Variants in ALG10B observed in about 807,000 individuals in gnomAD.
ALG10B encodes dol-P-Glc:Glc(2)Man(9)GlcNAc(2)-PP-Dol alpha-1,2-glucosyltransferase B.
ALG10B carries 27 observed loss-of-function variants against 38.7 expected under a neutral mutation model. That is an observed-to-expected ratio of 0.70 (90% CI 0.51 to 0.96). ALG10B has a LOEUF of 0.96. ALG10B is among the 40% of genes least tolerant of loss of function. ALG10B has a pLI of 0.00. For synonymous variants in ALG10B, 177 were observed against 193.3 expected, an observed-to-expected ratio of 0.92 and a Z score of 0.70; for missense variants, 522 against 542.7, an observed-to-expected ratio of 0.96 and a Z score of 0.38.
chr12:38,320,811 C>T lies in ALG10B; in HGVS notation c.1020C>T (p.Phe340=). The T allele has an allele frequency of 3.1e-6, 5 of 1,613,764 alleles. No homozygotes were observed. The highest frequency in any genetic ancestry group is 4.2e-6 in the Non-Finnish European group (5 of 1,179,890). The change falls in exon 3 of 3, where the codon TTC becomes TTT. Residue 340 remains phenylalanine, a synonymous_variant. Coordinates refer to ENST00000308742, the MANE Select transcript of ALG10B (RefSeq NM_001013620.4). ...TLVSVFLVWK[F]TYAHKYLLAD... ...TCTCTGTGTTTTTAGTTTGGAAATTCACTTATGCTCATAAATACTTGCTAG... is the reference window on the plus strand; with the variant it reads ...TCTCTGTGTTTTTAGTTTGGAAATTTACTTATGCTCATAAATACTTGCTAG...
rs1945688460 is a variant in ALG10B at position 38,320,178 on chromosome 12, G to C, written c.387G>C (p.Gln129His). 6.2e-7 allele frequency: 1 copy of C among 1,613,836 alleles called. No individual in the cohort carries two copies. Among genetic ancestry groups the C allele is most frequent in the African/African-American group, 1.3e-5 (1 of 74,918 alleles). Reference sequence around the variant, plus strand: ...CCTCCAAGGCTGCCTCAAGTATCCAGAGAGTCTTGTCAACATTAACACTAG... The same window carrying C: ...CCTCCAAGGCTGCCTCAAGTATCCACAGAGTCTTGTCAACATTAACACTAG... ...QPRNKAASSIQRVLSTLTLAV... is the reference protein window; with the variant it reads ...QPRNKAASSIHRVLSTLTLAV... Residue 129 changes from glutamine to histidine, a missense_variant, in exon 3 of 3, where the codon CAG becomes CAC. Transcript: ENST00000308742.
rs993648631 is a variant in ALG10B, at chr12:38,327,568, A to G, written c.*6355A>G. The G allele has an allele frequency of 6.6e-6, 1 of 152,198 alleles. No homozygotes were observed. The highest frequency in any genetic ancestry group is 1.5e-5 in the Non-Finnish European group (1 of 68,038). The allele number at this position is 152,198 out of a possible 1,614,324, so 9.4% of individuals were successfully genotyped here. On this transcript the variant is annotated 3_prime_UTR_variant, in exon 3 of 3. Transcript: ENST00000308742. ...TTTGCCCAAAGTCCACACTGTCACT[A>G]AATGAACATAGATTGGTATGACTCC...
Position 38,323,864 on chromosome 12 carries a change from G to A in ALG10B, c.*2651G>A, listed in dbSNP as rs1945721651. On this transcript the variant is annotated 3_prime_UTR_variant, in exon 3 of 3. Coordinates refer to ENST00000308742, the MANE Select transcript of ALG10B (RefSeq NM_001013620.4). The stretch of plus-strand genomic sequence containing the variant: ...TTGAAAAAAGAATGTGTAATTTAGG[G>A]AAAGTAACTTTTTGTCTGATAATAT... 1.4e-6 allele frequency: 1 copy of A among 700,684 alleles called. No homozygotes were observed. Among genetic ancestry groups the A allele is most frequent in the Non-Finnish European group, 2.6e-6 (1 of 384,400 alleles). 43.4% of individuals were successfully genotyped at this position (700,684 alleles called of 1,614,324 possible).
rs965807201 is a variant in ALG10B, at chr12:38,321,140, T to C, written c.1349T>C (p.Ile450Thr). Residue 450 changes from isoleucine to threonine, a missense_variant, in exon 3 of 3, where the codon ATA (isoleucine) becomes ACA (threonine). Physicochemically the swap from Ile to Thr is moderately conservative, Grantham distance 89 (BLOSUM62 -1). Transcript: ENST00000308742. Reference protein sequence around the residue: ...ELSCYAIVNFITFYIFLNKTF... With the variant: ...ELSCYAIVNFTTFYIFLNKTF... ...AGTTGCTATGCAATTGTTAATTTCATAACTTTTTACATCTTTCTGAACAAG... is the reference window on the plus strand; with the variant it reads ...AGTTGCTATGCAATTGTTAATTTCACAACTTTTTACATCTTTCTGAACAAG... The C allele has an allele frequency of 2.5e-6, 4 of 1,613,310 alleles. No individual in the cohort carries two copies. The highest frequency in any genetic ancestry group is 2.7e-5 in the African/African-American group (2 of 75,032).
rs1945731491 is a variant in ALG10B, at chr12:38,324,922, C to T, written c.*3709C>T. On this transcript the variant is annotated 3_prime_UTR_variant, in exon 3 of 3. Transcript: ENST00000308742. ...GAGGGCATCTGGAGCCCTACAGTTACCATTACTAAAGTCTGTGAGTATGTC... is the reference window on the plus strand; with the variant it reads ...GAGGGCATCTGGAGCCCTACAGTTATCATTACTAAAGTCTGTGAGTATGTC... The T allele has an allele frequency of 6.6e-6, 1 of 152,076 alleles. No individual in the cohort carries two copies. Among genetic ancestry groups the T allele is most frequent in the Non-Finnish European group, 1.5e-5 (1 of 67,980 alleles). 9.4% of individuals were successfully genotyped at this position (152,076 alleles called of 1,614,324 possible).
rs1367644822 is a variant in ALG10B, at chr12:38,324,062, C to T, written c.*2849C>T. On this transcript the variant is annotated 3_prime_UTR_variant, in exon 3 of 3. Transcript: ENST00000308742. ...TGTTTTTGTCTTTGAGGAGAAGTCT[C>T]GCTCTTGTCCCCCAGGCTGGAATGC... 10 of 645,310 alleles carry T rather than the reference C, an allele frequency of 1.5e-5. No homozygotes were observed. The highest frequency in any genetic ancestry group is 2.5e-4 in the Middle Eastern group (1 of 4,072). 40.0% of individuals were successfully genotyped at this position (645,310 alleles called of 1,614,324 possible).
chr12:38,322,187 G>C lies in ALG10B; in HGVS notation c.*974G>C, dbSNP rs905632566. The C allele has an allele frequency of 2.6e-5, 4 of 152,206 alleles. No homozygotes were observed. Among genetic ancestry groups the C allele is most frequent in the African/African-American group, 7.2e-5 (3 of 41,442 alleles). The allele number at this position is 152,206 out of a possible 1,614,324, so 9.4% of individuals were successfully genotyped here. A position where few individuals can be genotyped will look rare whatever the true frequency, so the allele number is the denominator to read the frequency against. On this transcript the variant is annotated 3_prime_UTR_variant, in exon 3 of 3. Coordinates refer to ENST00000308742, the MANE Select transcript of ALG10B (RefSeq NM_001013620.4). The stretch of plus-strand genomic sequence containing the variant: ...ATATCTTGTCTAAGTATTGCAGACA[G>C]CAATCTTCACTCCAGTCTCTGCCTC...
chr12:38,320,252 C>G lies in ALG10B; in HGVS notation c.461C>G (p.Ala154Gly). ...YFFNFLYYTE[A>G]GSMFFTLFAY... ...TTTAACTTCCTTTATTATACAGAAG[C>G]AGGATCTATGTTTTTTACTCTTTTT... Residue 154 changes from alanine to glycine, a missense_variant, in exon 3 of 3, where the codon GCA (alanine) becomes GGA (glycine). Coordinates refer to ENST00000308742, the MANE Select transcript of ALG10B (RefSeq NM_001013620.4). 6.2e-7 allele frequency: 1 copy of G among 1,613,948 alleles called. No individual in the cohort carries two copies. Among genetic ancestry groups the G allele is most frequent in the Non-Finnish European group, 8.5e-7 (1 of 1,179,908 alleles).
chr12:38,320,205 A>G lies in ALG10B; in HGVS notation c.414A>G (p.Ala138=). The change falls in exon 3 of 3, where the codon GCA becomes GCG. Residue 138 remains alanine, a synonymous_variant. Transcript: ENST00000308742. The part of the protein sequence containing the change: ...IQRVLSTLTL[A]VFPTLYFFNF... ...GAGTCTTGTCAACATTAACACTAGC[A>G]GTATTTCCAACACTTTATTTTTTTA... 1 of 1,614,064 alleles carries G rather than the reference A, an allele frequency of 6.2e-7. No individual in the cohort carries two copies. The highest frequency in any genetic ancestry group is 8.5e-7 in the Non-Finnish European group (1 of 1,179,932).
At chr12:38,318,759 GAGGC>G (rs1394865712) in intron 2 of ALG10B, among the ~76,000 whole-genome samples, 1 of 152,194 alleles carries the variant, frequency 6.6e-6, no homozygotes, top group African/African-American at 2.4e-5. Context: ...AGAGATAAAT[GAGGC>G]AGTCTTTTTC....
intron 1 of ALG10B, 132 bp from the exon 2 acceptor site, chr12:38,318,129 A>G: frequency 8.4e-7 from 1 of 1,196,122 alleles, no homozygotes; most frequent in Non-Finnish European, 1.2e-6. Flanking sequence ...CCAAGGACTT[A>G]CTTAATCTTG....
Position 38,321,037 on chromosome 12 carries a change from C to T in ALG10B, c.1246C>T (p.Arg416Cys), listed in dbSNP as rs375350214. 90 of 1,613,236 alleles carry T rather than the reference C, an allele frequency of 5.6e-5. No individual in the cohort carries two copies. The highest frequency in any genetic ancestry group is 4.9e-4 in the Middle Eastern group (3 of 6,080). Residue 416 changes from arginine (R) to cysteine (C), a missense_variant, in exon 3 of 3, where the codon CGT (arginine) becomes TGT (cysteine). By Grantham distance (180) the Arg-to-Cys change is radical. Transcript: ENST00000308742. ...VIVPQKLLEF[R>C]YFILPYVIYR... ...AGTTCCTCAGAAACTGCTGGAATTT[C>T]GTTACTTCATTTTACCTTATGTCAT...
At chr12:38,319,202 A>T (rs1945681098) in intron 2 of ALG10B, among the ~76,000 whole-genome samples, 1 of 152,170 alleles carries the variant, frequency 6.6e-6, no homozygotes, top group Non-Finnish European at 1.5e-5. Context: ...GGAGAGGAGT[A>T]TGTGGCATTC....
intron 2 of ALG10B, 105 bp from the exon 3 acceptor site, chr12:38,320,056 T>C (rs972234737): frequency 2.9e-6 from 4 of 1,363,148 alleles, no homozygotes; most frequent in African/African-American, 1.5e-5. Context: ...TTTATTTAAA[T>C]AAGGTTTGAG....
intron 2 of ALG10B, 150 bp downstream of exon 2, chr12:38,318,608 C>T: frequency 2.2e-6 from 2 of 917,936 alleles, no homozygotes; most frequent in South Asian, 3.2e-5. Context: ...TTAAATTCTC[C>T]ATCTCCATTT....
intron 2 of ALG10B, among the ~76,000 whole-genome samples, chr12:38,319,121 A>G (rs1945680597): frequency 6.6e-6 from 1 of 152,216 alleles, no homozygotes; most frequent in Non-Finnish European, 1.5e-5. Flanking sequence ...CAATTATGAT[A>G]GAGTAGTAGA....
intron 2 of ALG10B, 151 bp downstream of exon 2, chr12:38,318,609 A>T: frequency 1.1e-6 from 1 of 915,098 alleles, no homozygotes; most frequent in Non-Finnish European, 1.6e-6. Flanking sequence ...TAAATTCTCC[A>T]TCTCCATTTT....
At position 38,316,985 on chromosome 12, in the gene ALG10B, T is replaced by C. The variant is rs1257343378; in HGVS notation, c.92T>C (p.Leu31Pro). 1.9e-6 allele frequency: 3 copies of C among 1,614,158 alleles called. No homozygotes were observed. The highest frequency in any genetic ancestry group is 1.7e-6 in the Non-Finnish European group (2 of 1,180,024). Reference sequence around the variant, plus strand: ...CTCTTCTCCGCCTTCAGCCGGGCGCTGCGAGAGCCCTACATGGACGAGATC... The same window carrying C: ...CTCTTCTCCGCCTTCAGCCGGGCGCCGCGAGAGCCCTACATGGACGAGATC... Reference protein sequence around the residue: ...CLLFSAFSRALREPYMDEIFH... With the variant: ...CLLFSAFSRAPREPYMDEIFH... The change falls in exon 1 of 3, where the codon CTG (leucine) becomes CCG (proline). Residue 31 changes from leucine to proline, a missense_variant. By Grantham distance (98) the Leu-to-Pro change is moderately conservative. Transcript: ENST00000308742.
In ALG10B at chr12:38,316,855, C is replaced by G. The variant is rs1945659295; in HGVS notation, c.-39C>G. 6.2e-7 allele frequency: 1 copy of G among 1,613,778 alleles called. No individual in the cohort carries two copies. The highest frequency in any genetic ancestry group is 8.5e-7 in the Non-Finnish European group (1 of 1,179,924). On this transcript the variant is annotated 5_prime_UTR_variant, in exon 1 of 3. Transcript: ENST00000308742. ...CTCGGGTTTCCGGGCTCAGAATTTT[C>G]CAGGAGTGGGTTCTTGGGCAGTGGC... is the stretch of plus-strand genomic sequence containing the variant.
Sources: gnomAD v4.1 joint callset for allele counts (sites outside exome capture counted in the v4.1 genomes callset) on GRCh38, gnomAD v4.1.1 for gene constraint, MANE v1.5 for transcripts, NCBI Gene and HGNC (gene_info 2026-07-23, HGNC 2026-07-21) for gene names.